The following ADGRL3 variants were observed in gnomAD, a reference collection of about 807,000 sequenced individuals.
ADGRL3 encodes the protein calcium-independent alpha-latrotoxin receptor 3.
A neutral mutation model predicts 153.5 loss-of-function variants in ADGRL3; 62 were observed. The ratio of observed to expected loss-of-function variants is 0.40; its 90% CI spans 0.33 to 0.50. The LOEUF is 0.50. ADGRL3 is among the 20% of genes least tolerant of loss of function. The pLI, the probability that ADGRL3 is intolerant of heterozygous loss-of-function variation, is 0.47. For synonymous variants in ADGRL3, 710 were observed against 672.5 expected, an observed-to-expected ratio of 1.06 and a Z score of -0.86; for missense variants, 1,641 against 1,859.4, an observed-to-expected ratio of 0.88 and a Z score of 2.16.
chr4:61,675,542 GT>G (rs1279092083), intron 5 of ADGRL3, among the ~76,000 whole-genome samples: 2 of 150,674 alleles, frequency 1.3e-5, no homozygotes, highest in Non-Finnish European at 3.0e-5. Context: ...CAACATGTTT[GT>G]TTTTCCCCAT....
At chr4:61,833,933 A>C (rs991531551) in intron 9 of ADGRL3, among the ~76,000 whole-genome samples, 6 of 149,934 alleles carry the variant, frequency 4.0e-5, no homozygotes, top group Non-Finnish European at 8.9e-5. Context: ...TCACTGTCTC[A>C]GTCATAATTT....
chr4:61,666,888 T>C (rs2094819244), intron 5 of ADGRL3, among the ~76,000 whole-genome samples: 1 of 152,202 alleles, frequency 6.6e-6, no homozygotes, highest in African/African-American at 2.4e-5. Flanking sequence ...ATTCCAGTTA[T>C]TTTTAAATGA....
intron 2 of ADGRL3, among the ~76,000 whole-genome samples, chr4:61,397,260 C>T (rs1402842895): frequency 1.3e-5 from 2 of 151,790 alleles, no homozygotes; most frequent in East Asian, 3.9e-4. Context: ...TCCTCACAAA[C>T]TTTTTAAATT....
At chr4:61,602,040 A>G (rs56017648) in intron 5 of ADGRL3, among the ~76,000 whole-genome samples, 1 of 152,272 alleles carries the variant, frequency 6.6e-6, no homozygotes, top group African/African-American at 2.4e-5. Flanking sequence ...AAGATAAATA[A>G]TAAATAATAA....
intron 17 of ADGRL3, among the ~76,000 whole-genome samples, chr4:61,966,090 T>A (rs1001889667): frequency 3.9e-5 from 6 of 152,184 alleles, no homozygotes; most frequent in Non-Finnish European, 7.3e-5. Context: ...GTCTAATAAA[T>A]ATTCTTTTTT....
Position 61,677,367 on chromosome 4 carries a change from T to C in ADGRL3, c.583+432T>C, listed in dbSNP as rs1448036893. 9.8e-6 allele frequency: 4 copies of C among 408,918 alleles called. No homozygotes were observed. The Admixed American group carries it at 1.1e-4, about 11-fold the overall frequency. The allele number at this position is 408,918 out of a possible 1,614,324, so 25.3% of individuals were successfully genotyped here. On this transcript the variant is annotated intron_variant, in intron 6 of 26. Transcript: ENST00000683033. ...CATCTGCTGTCAACATTTTGAGAAT[T>C]AGAAATATATTCATCCAGAAGGAGT... is the stretch of plus-strand genomic sequence containing the variant.
intron 5 of ADGRL3, among the ~76,000 whole-genome samples, chr4:61,615,191 A>G (rs2091857091): frequency 6.6e-6 from 1 of 152,138 alleles, no homozygotes. Flanking sequence ...GAAGAGTTTA[A>G]GAAATCCACC....
chr4:61,501,675 A>G (rs973227197), intron 3 of ADGRL3, among the ~76,000 whole-genome samples: 3 of 152,192 alleles, frequency 2.0e-5, no homozygotes, highest in Non-Finnish European at 1.5e-5. Flanking sequence ...TGTTAGTGTT[A>G]TACTTTTGCA....
chr4:61,805,115 C>A (rs2097540502), intron 8 of ADGRL3, among the ~76,000 whole-genome samples: 1 of 151,728 alleles, frequency 6.6e-6, no homozygotes, highest in African/African-American at 2.4e-5. Flanking sequence ...GCCACCATGC[C>A]CAGCTAATTT....
chr4:61,602,376 G>T (rs2099015738), intron 5 of ADGRL3, among the ~76,000 whole-genome samples: 1 of 152,060 alleles, frequency 6.6e-6, no homozygotes, highest in South Asian at 2.1e-4. Context: ...TCTCATCTGG[G>T]GGTAATTTTG....
At chr4:61,797,963 A>G (rs2097435076) in intron 8 of ADGRL3, among the ~76,000 whole-genome samples, 2 of 152,208 alleles carry the variant, frequency 1.3e-5, no homozygotes, top group South Asian at 2.1e-4. Flanking sequence ...TCGCTGGATC[A>G]CAGCCATCTA....
chr4:61,604,704 G>T (rs907207039), intron 5 of ADGRL3, among the ~76,000 whole-genome samples: 2 of 152,158 alleles, frequency 1.3e-5, no homozygotes, highest in African/African-American at 2.4e-5. Flanking sequence ...GGCATTGTTA[G>T]ATAATGCATA....
chr4:62,068,113 G>T, intron 25 of ADGRL3, 53 bp from the exon 26 acceptor site: 2 of 1,258,022 alleles, frequency 1.6e-6, no homozygotes, highest in Admixed American at 2.3e-5. Flanking sequence ...TTCTACTGTC[G>T]CTGTAAGCTT....
intron 5 of ADGRL3, among the ~76,000 whole-genome samples, chr4:61,600,465 A>G (rs1191172694): frequency 2.0e-5 from 3 of 152,122 alleles, no homozygotes; most frequent in Non-Finnish European, 2.9e-5. Flanking sequence ...TCAGATACTT[A>G]TGCGTGATCT....
chr4:61,249,975 T>C (rs1758607516), intron 1 of ADGRL3, among the ~76,000 whole-genome samples: 1 of 152,170 alleles, frequency 6.6e-6, no homozygotes, highest in African/African-American at 2.4e-5. Context: ...TTATGGACTC[T>C]TATGATGATC....
At chr4:61,428,857 A>G (rs1409451175) in intron 2 of ADGRL3, among the ~76,000 whole-genome samples, 1 of 110,942 alleles carries the variant, frequency 9.0e-6, no homozygotes, top group African/African-American at 2.8e-5. Flanking sequence ...CTATCTATCT[A>G]TCTATCTATC....
intron 13 of ADGRL3, among the ~76,000 whole-genome samples, chr4:61,917,247 C>T (rs1324375988): frequency 6.6e-6 from 1 of 152,112 alleles, no homozygotes; most frequent in Admixed American, 6.6e-5. Flanking sequence ...CTGACCTCAT[C>T]TTTTGGTGAT....
rs1377307821 is a variant in ADGRL3, at chr4:62,073,735, A to G, written c.*2827A>G. ...CAAACTGAAGAAAGATCACTTGAAT[A>G]CACAAACTGGTGCAGAAGAACATTC... On this transcript the variant is annotated 3_prime_UTR_variant, in exon 27 of 27. Coordinates refer to ENST00000683033, the MANE Select transcript of ADGRL3 (RefSeq NM_001387552.1). The G allele has an allele frequency of 2.0e-5, 3 of 152,162 alleles. No individual in the cohort carries two copies. Among genetic ancestry groups the G allele is most frequent in the Non-Finnish European group, 4.4e-5 (3 of 68,016 alleles). The allele number at this position is 152,162 out of a possible 1,614,324, so 9.4% of individuals were successfully genotyped here.
At chr4:61,311,674 A>G (rs1371328667) in intron 1 of ADGRL3, among the ~76,000 whole-genome samples, 1 of 152,208 alleles carries the variant, frequency 6.6e-6, no homozygotes, top group Non-Finnish European at 1.5e-5. Flanking sequence ...AGGACTGACA[A>G]TACCTGACTT....
Sources: allele counts gnomAD v4.1 joint callset (sites outside exome capture counted in the v4.1 genomes callset), GRCh38; gene constraint gnomAD v4.1.1; transcripts MANE v1.5; gene names NCBI Gene and HGNC (gene_info 2026-07-23, HGNC 2026-07-21).